Variants in CROT observed in about 807,000 individuals in gnomAD.
The protein encoded by CROT is carnitine O-octanoyltransferase.
In CROT, 84 loss-of-function variants were observed where a neutral mutation model predicts 89.2. The ratio of observed to expected loss-of-function variants is 0.94; its 90% confidence interval spans 0.79 to 1.13. The LOEUF is 1.13. CROT is among the 50% of genes most tolerant of loss of function. The pLI is 0.00. For missense variants in CROT, 711 were observed against 727.8 expected, an observed-to-expected ratio of 0.98 and a Z score of 0.27; for synonymous variants, 212 against 239.5, an observed-to-expected ratio of 0.89 and a Z score of 1.06.
At position 87,392,982 on chromosome 7, in the gene CROT, C is replaced by T. The variant is rs796850996; in HGVS notation, c.1633C>T (p.Leu545=). The T allele has an allele frequency of 3.7e-6, 6 of 1,613,654 alleles. No individual in the cohort carries two copies. The African/African-American group carries it at 8.0e-5, about 22-fold the overall frequency. ...TGGAAATTTTGTTCTCTCAACAAGT[C>T]TGGTTGGCTATTTACGAGTCCAGGG... ...GGGNFVLSTS[L]VGYLRVQGVV... is the part of the protein sequence containing the mutation. The change falls in exon 17 of 18, where the codon CTG becomes TTG. Residue 545 remains leucine, a synonymous_variant. Coordinates refer to ENST00000331536, the MANE Select transcript of CROT (RefSeq NM_021151.4).
intron 17 of CROT, among the ~76,000 whole-genome samples, chr7:87,396,112 A>G (rs1194030018): frequency 6.6e-6 from 1 of 152,172 alleles, no homozygotes; most frequent in Non-Finnish European, 1.5e-5. Context: ...GGCAAAAAAA[A>G]GTGGAGGGTG....
At chr7:87,355,816 G>A (rs1806049873) in intron 3 of CROT, among the ~76,000 whole-genome samples, 1 of 152,098 alleles carries the variant, frequency 6.6e-6, no homozygotes, top group African/African-American at 2.4e-5. Flanking sequence ...CTAGAAGGCT[G>A]AGTATATTGC....
At chr7:87,378,761 G>C (rs1333089242) in intron 10 of CROT, among the ~76,000 whole-genome samples, 1 of 152,096 alleles carries the variant, frequency 6.6e-6, no homozygotes, top group Non-Finnish European at 1.5e-5. Context: ...GCTTGGCCTG[G>C]GTCACATGCC....
intron 3 of CROT, among the ~76,000 whole-genome samples, chr7:87,357,261 C>A (rs1806108784): frequency 6.6e-6 from 1 of 152,090 alleles, no homozygotes; most frequent in Non-Finnish European, 1.5e-5. Flanking sequence ...GTGGATTAGT[C>A]CAAAGCATAT....
chr7:87,392,414 G>A (rs1402010764), intron 14 of CROT, 152 bp from the exon 15 acceptor site: 2 of 648,278 alleles, frequency 3.1e-6, no homozygotes, highest in Non-Finnish European at 5.5e-6. Flanking sequence ...TAGAATAACT[G>A]ATGGAAAGAT....
intron 6 of CROT, among the ~76,000 whole-genome samples, chr7:87,362,826 C>G (rs1036170720): frequency 6.6e-6 from 1 of 152,072 alleles, no homozygotes; most frequent in African/African-American, 2.4e-5. Context: ...TATAGCCAAT[C>G]ATGCTCATAG....
chr7:87,345,695 G>C lies in CROT; in HGVS notation c.-185G>C, dbSNP rs1002553775. On this transcript the variant is annotated 5_prime_UTR_variant, in exon 1 of 18. Coordinates refer to ENST00000331536, the MANE Select transcript of CROT (RefSeq NM_021151.4). ...ATTCCCGCACCTTTGAGGCCCAAGGGGGAGCGAGCCGGTGCTGCTGCAGGC... is the reference window on the plus strand; with the variant it reads ...ATTCCCGCACCTTTGAGGCCCAAGGCGGAGCGAGCCGGTGCTGCTGCAGGC... 1.1e-5 allele frequency: 4 copies of C among 374,246 alleles called. No individual in the cohort carries two copies. In the East Asian group the frequency reaches 1.1e-4, roughly 11 times the overall value. The allele number at this position is 374,246 out of a possible 1,614,324, so 23.2% of individuals were successfully genotyped here.
At chr7:87,386,756 A>T (rs1807195309) in intron 13 of CROT, among the ~76,000 whole-genome samples, 1 of 152,150 alleles carries the variant, frequency 6.6e-6, no homozygotes, top group Admixed American at 6.6e-5. Flanking sequence ...AACACTGCTG[A>T]ACAACCTCTT....
At chr7:87,386,005 C>T (rs950799476) in intron 13 of CROT, among the ~76,000 whole-genome samples, 1 of 152,000 alleles carries the variant, frequency 6.6e-6, no homozygotes, top group Non-Finnish European at 1.5e-5. Flanking sequence ...TATGTTGAAC[C>T]ATCTGAATCC....
intron 2 of CROT, among the ~76,000 whole-genome samples, chr7:87,348,089 G>A (rs560136546): frequency 1.3e-3 from 201 of 152,222 alleles, no homozygotes; most frequent in South Asian, 3.1e-3. Flanking sequence ...TTTGTTTAGC[G>A]TTGCTATCAG....
chr7:87,399,282 C>T lies in CROT; in HGVS notation c.*638C>T, dbSNP rs75651762. 2.1e-3 allele frequency: 318 copies of T among 152,826 alleles called. 1 individual carries two copies. Among genetic ancestry groups the T allele is most frequent in the Non-Finnish European group, 3.4e-3 (235 of 68,518 alleles). 9.5% of individuals were successfully genotyped at this position (152,826 alleles called of 1,614,324 possible). Reference sequence around the variant, plus strand: ...TTGAAGCTAGGAGTTTGAGACCAGCCTGGGCAACAGGGTAAGGTCCTGTCT... The same window carrying T: ...TTGAAGCTAGGAGTTTGAGACCAGCTTGGGCAACAGGGTAAGGTCCTGTCT... On this transcript the variant is annotated 3_prime_UTR_variant, in exon 18 of 18. Transcript: ENST00000331536.
At chr7:87,394,422 T>C (rs1807459748) in intron 17 of CROT, among the ~76,000 whole-genome samples, 4 of 152,164 alleles carry the variant, frequency 2.6e-5, no homozygotes, top group Admixed American at 2.6e-4. Context: ...ATACTGCAAG[T>C]GCTCCCAAGA....
At chr7:87,398,503 A>G in intron 17 of CROT, 21 bp from the exon 18 acceptor site, 1 of 1,612,706 alleles carries the variant, frequency 6.2e-7, no homozygotes, top group South Asian at 1.1e-5. Context: ...GTAATCATTA[A>G]TCATTATTTA....
chr7:87,357,292 G>C (rs1432119195), intron 3 of CROT, among the ~76,000 whole-genome samples: 2 of 152,134 alleles, frequency 1.3e-5, no homozygotes, highest in African/African-American at 4.8e-5. Context: ...ATCTTGCAAG[G>C]CTACTTTAAT....
intron 7 of CROT, 158 bp from the exon 8 acceptor site, chr7:87,375,474 A>C (rs1806779417): frequency 1.8e-6 from 1 of 563,936 alleles, no homozygotes; most frequent in African/African-American, 1.9e-5. Flanking sequence ...ATCACTTAAA[A>C]AAATATGTGA....
chr7:87,360,593 C>T (rs187524456), intron 4 of CROT, among the ~76,000 whole-genome samples: 5 of 152,140 alleles, frequency 3.3e-5, no homozygotes, highest in East Asian at 1.9e-4. Flanking sequence ...TGCCTGCCTC[C>T]GCCTCCCAAA....
Position 87,391,716 on chromosome 7 carries a change from A to G in CROT, c.1425+4A>G. ...CATGCAGGATCCTTCTGTCAATGTG[A>G]GTATTGGAAAGGAAAAAAACTCACA... On this transcript the variant is annotated splice_donor_region_variant and intron_variant, in intron 14 of 17. Transcript: ENST00000331536. 6.2e-7 allele frequency: 1 copy of G among 1,600,304 alleles called. No homozygotes were observed.
intron 10 of CROT, among the ~76,000 whole-genome samples, chr7:87,381,669 G>A (rs1016540756): frequency 2.0e-5 from 3 of 152,048 alleles, no homozygotes; most frequent in Non-Finnish European, 4.4e-5. Flanking sequence ...ATGACCCCAA[G>A]CCCCACCAGA....
Position 87,377,410 on chromosome 7 carries a change from T to A in CROT, c.938T>A (p.Leu313Ter). The A allele has an allele frequency of 6.2e-7, 1 of 1,611,382 alleles. No homozygotes were observed. The highest frequency in any genetic ancestry group is 1.1e-5 in the South Asian group (1 of 90,962). Reference sequence around the variant, plus strand: ...CGCTGGGGTGACAAATCCTATAACTTGATTTCCTTTTCTAATGGAGTATTT... The same window carrying A: ...CGCTGGGGTGACAAATCCTATAACTAGATTTCCTTTTCTAATGGAGTATTT... ...TVRWGDKSYN[L>*]ISFSNGVFGC... is the part of the protein sequence containing the mutation. Residue 313 changes from leucine (L) to a stop codon, truncating the protein, a stop_gained, in exon 10 of 18, where the codon TTG becomes TAG. Transcript: ENST00000331536. LOFTEE classifies it high-confidence loss of function.
Sources: gnomAD v4.1 joint callset for allele counts (sites outside exome capture counted in the v4.1 genomes callset) on GRCh38, gnomAD v4.1.1 for gene constraint, MANE v1.5 for transcripts, NCBI Gene and HGNC (gene_info 2026-07-23, HGNC 2026-07-21) for gene names.